Variants in ASNS observed in about 807,000 individuals in gnomAD.
ASNS encodes asparagine synthetase (glutamine-hydrolyzing).
Under a neutral mutation model 62.6 loss-of-function variants are expected in ASNS, and 37 were observed. The observed-to-expected ratio is 0.59, with a 90% confidence interval of 0.45 to 0.78. ASNS has a LOEUF of 0.78. ASNS is among the 30% of genes least tolerant of loss of function. The pLI is 0.00. For synonymous variants in ASNS, 207 were observed against 237.9 expected, an observed-to-expected ratio of 0.87 and a Z score of 1.19; for missense variants, 520 against 682.4, an observed-to-expected ratio of 0.76 and a Z score of 2.65.
chr7:97,877,397 T>A (rs1295475914), upstream of ASNS, among the ~76,000 whole-genome samples: 1 of 152,156 alleles, frequency 6.6e-6, no homozygotes, highest in Non-Finnish European at 1.5e-5. Flanking sequence ...CTGGCCCATT[T>A]AACTTCTATA....
At chr7:97,888,918 G>A in the ASNS span, among the ~76,000 whole-genome samples, 1 of 152,150 alleles carries the variant, frequency 6.6e-6, no homozygotes, top group Non-Finnish European at 1.5e-5. Context: ...GGAAATGCCT[G>A]CCTACCCACC....
At chr7:97,860,236 C>A (rs1187474663) in intron 4 of ASNS, among the ~76,000 whole-genome samples, 1 of 152,130 alleles carries the variant, frequency 6.6e-6, no homozygotes, top group Non-Finnish European at 1.5e-5. Context: ...GCAGGCAATA[C>A]TATAATCAGA....
At chr7:97,856,996 G>A (rs192933306) in intron 7 of ASNS, among the ~76,000 whole-genome samples, 180 bp from the exon 8 acceptor site, 9 of 152,120 alleles carry the variant, frequency 5.9e-5, no homozygotes, top group Admixed American at 2.0e-4. Flanking sequence ...CTGTTCCCTC[G>A]CCTGCTTCAA....
At chr7:97,924,583 G>A in the ASNS span, among the ~76,000 whole-genome samples, 1 of 152,220 alleles carries the variant, frequency 6.6e-6, no homozygotes, top group Non-Finnish European at 1.5e-5. Flanking sequence ...CAGCGTGGGA[G>A]TGAACTGGGT....
At chr7:97,918,446 A>G in the ASNS span, among the ~76,000 whole-genome samples, 3 of 152,232 alleles carry the variant, frequency 2.0e-5, no homozygotes, top group Non-Finnish European at 2.9e-5. Flanking sequence ...GTATCGGTGC[A>G]GGGCTGGTTA....
At chr7:97,896,707 T>C in the ASNS span, among the ~76,000 whole-genome samples, 65 of 27,688 alleles carry the variant, frequency 2.3e-3, no homozygotes, top group East Asian at 0.014. Flanking sequence ...TATGTGTATA[T>C]ATATACACAC....
chr7:97,896,733 C>CATATAT, the ASNS span, among the ~76,000 whole-genome samples: 3 of 26,252 alleles, frequency 1.1e-4, no homozygotes, highest in African/African-American at 2.7e-4. Context: ...CACACACACA[C>CATATAT]ACACACACAT....
chr7:97,921,435 C>T, the ASNS span, among the ~76,000 whole-genome samples: 1 of 152,150 alleles, frequency 6.6e-6, no homozygotes, highest in African/African-American at 2.4e-5. Context: ...TGGCTGTATT[C>T]CAATAAAACT....
At chr7:97,865,776 C>T (rs1337796056) in intron 3 of ASNS, among the ~76,000 whole-genome samples, 1 of 152,200 alleles carries the variant, frequency 6.6e-6, no homozygotes, top group East Asian at 1.9e-4. Context: ...CACATAAGTC[C>T]CATCTGTGGG....
the ASNS span, among the ~76,000 whole-genome samples, chr7:97,878,033 AC>A: frequency 6.6e-6 from 1 of 152,232 alleles, no homozygotes; most frequent in African/African-American, 2.4e-5. Flanking sequence ...AGAGCAGCCC[AC>A]AGGTTGTGAG....
rs745824414 is a variant in ASNS at position 97,854,573 on chromosome 7, A to C, written c.1238+7T>G. On this transcript the variant is annotated splice_region_variant and intron_variant, in intron 10 of 12. Transcript: ENST00000394308. ...TTTTGTTTTACAATAGCCTCTAAAA[A>C]TATTACCCATGGGCAGCAGTAGTTC... 1.2e-6 allele frequency: 2 copies of C among 1,609,000 alleles called. No individual in the cohort carries two copies. The highest frequency in any genetic ancestry group is 2.7e-5 in the African/African-American group (2 of 74,608).
chr7:97,870,160 T>C (rs996784959), intron 1 of ASNS: 12 of 853,064 alleles, frequency 1.4e-5, no homozygotes, highest in Non-Finnish European at 1.8e-5. Context: ...AAATGACACA[T>C]TGCACCATGT....
chr7:97,919,082 G>T, the ASNS span, among the ~76,000 whole-genome samples: 3 of 150,382 alleles, frequency 2.0e-5, no homozygotes, highest in South Asian at 2.1e-4. Flanking sequence ...TTTTTTTTTT[G>T]GAAACATAGT....
At chr7:97,895,701 G>A in the ASNS span, among the ~76,000 whole-genome samples, 1 of 152,188 alleles carries the variant, frequency 6.6e-6, no homozygotes, top group African/African-American at 2.4e-5. Context: ...TGAAGCAGGA[G>A]AATCGCTTGA....
At chr7:97,883,987 C>CAAA in the ASNS span, among the ~76,000 whole-genome samples, 8 of 104,362 alleles carry the variant, frequency 7.7e-5, no homozygotes, top group African/African-American at 1.9e-4. Flanking sequence ...GACTCCATCT[C>CAAA]AAAAAAAAAA....
At chr7:97,886,454 A>G in the ASNS span, among the ~76,000 whole-genome samples, 1 of 151,984 alleles carries the variant, frequency 6.6e-6, no homozygotes, top group East Asian at 1.9e-4. Flanking sequence ...GCCTATATGA[A>G]TTTTATATTT....
At chr7:97,909,574 C>CT in the ASNS span, among the ~76,000 whole-genome samples, 1 of 152,026 alleles carries the variant, frequency 6.6e-6, no homozygotes, top group Non-Finnish European at 1.5e-5. Flanking sequence ...CTCCCAAGTG[C>CT]TAAGATTACA....
intron 4 of ASNS, 157 bp downstream of exon 4, chr7:97,864,102 G>C (rs868177894): frequency 1.6e-5 from 10 of 617,674 alleles, no homozygotes; most frequent in Middle Eastern, 8.3e-4. Flanking sequence ...CTGAAAAGGA[G>C]AGTACAACTC....
At chr7:97,858,123 C>T (rs1028811442) in intron 7 of ASNS, among the ~76,000 whole-genome samples, 155 bp downstream of exon 7, 1 of 152,146 alleles carries the variant, frequency 6.6e-6, no homozygotes, top group African/African-American at 2.4e-5. Flanking sequence ...AGTGCATATC[C>T]AACAGCCATT....
Sources: gnomAD v4.1 joint callset for allele counts (sites outside exome capture counted in the v4.1 genomes callset) on GRCh38, gnomAD v4.1.1 for gene constraint, MANE v1.5 for transcripts, NCBI Gene and HGNC (gene_info 2026-07-23, HGNC 2026-07-21) for gene names.